Variants in JAK2 observed in about 807,000 individuals in gnomAD.
JAK2 encodes the protein tyrosine-protein kinase JAK2.
In JAK2, 86 loss-of-function variants were observed where a neutral mutation model predicts 139.3. That is an observed-to-expected ratio of 0.62 (90% CI 0.52 to 0.74). The LOEUF is 0.74. Among genes scored for constraint, JAK2 ranks in the 30% least tolerant of loss-of-function variants. JAK2 has a pLI of 0.00. For synonymous variants in JAK2, 490 were observed against 437.7 expected, an observed-to-expected ratio of 1.12 and a Z score of -1.49; for missense variants, 1,421 against 1,360.3, an observed-to-expected ratio of 1.04 and a Z score of -0.70.
intron 20 of JAK2, 152 bp from the exon 21 acceptor site, chr9:5,090,294 G>A (rs572279154): frequency 8.4e-6 from 4 of 475,638 alleles, no homozygotes; most frequent in South Asian, 8.3e-5. Flanking sequence ...AAAAGACTAT[G>A]TTCTTAACAA....
chr9:5,070,355 G>C (rs916473428), intron 12 of JAK2, among the ~76,000 whole-genome samples: 1 of 151,902 alleles, frequency 6.6e-6, no homozygotes, highest in Non-Finnish European at 1.5e-5. Flanking sequence ...AAGTTCTCAA[G>C]AAAGTAAGGG....
intron 2 of JAK2, among the ~76,000 whole-genome samples, chr9:4,991,977 T>TA (rs1157062882): frequency 6.6e-6 from 1 of 152,126 alleles, no homozygotes; most frequent in African/African-American, 2.4e-5. Context: ...ACCCAAAACT[T>TA]AGTGATTTAA....
chr9:5,029,711 C>G, intron 3 of JAK2, 72 bp from the exon 4 acceptor site: 1 of 1,348,178 alleles, frequency 7.4e-7, no homozygotes, highest in Non-Finnish European at 1.0e-6. Context: ...AGCTTCATTT[C>G]AAATTATAGG....
At chr9:5,119,532 T>C (rs1012905403) in intron 22 of JAK2, among the ~76,000 whole-genome samples, 1 of 152,262 alleles carries the variant, frequency 6.6e-6, no homozygotes, top group East Asian at 1.9e-4. Context: ...AGATGATATA[T>C]ATATCTGGCA....
chr9:5,120,575 G>C (rs1823539969), intron 22 of JAK2, among the ~76,000 whole-genome samples: 1 of 152,132 alleles, frequency 6.6e-6, no homozygotes, highest in Non-Finnish European at 1.5e-5. Flanking sequence ...TAAAAAATCG[G>C]TGAAACAGGA....
At chr9:5,100,690 T>A (rs185653618) in intron 22 of JAK2, 1 of 152,242 alleles carries the variant, frequency 6.6e-6, no homozygotes, top group African/African-American at 2.4e-5. Context: ...CACAGCCTGA[T>A]AGAAGGAAAT....
intron 2 of JAK2, among the ~76,000 whole-genome samples, chr9:4,986,858 T>C (rs1208680594): frequency 6.6e-6 from 1 of 152,208 alleles, no homozygotes; most frequent in Admixed American, 6.5e-5. Flanking sequence ...TTGTATTAAG[T>C]ACCTATGCGG....
chr9:4,985,158 C>G (rs1455146398), upstream of JAK2: 1 of 152,454 alleles, frequency 6.6e-6, no homozygotes, highest in Non-Finnish European at 1.5e-5. Context: ...GTGTCGCCCG[C>G]GGCGTTGAGA....
rs547898372 is a variant in JAK2, at chr9:5,127,988, T to C, written c.*1197T>C. The C allele has an allele frequency of 8.6e-6, 2 of 232,328 alleles. No homozygotes were observed. The highest frequency in any genetic ancestry group is 4.4e-5 in the African/African-American group (2 of 45,370). 14.4% of individuals were successfully genotyped at this position (232,328 alleles called of 1,614,324 possible). ...AAAATGAGCATACATCTTAAATCTTTTCAATTAAGTATAAGGGGTTGTTCG... is the reference window on the plus strand; with the variant it reads ...AAAATGAGCATACATCTTAAATCTTCTCAATTAAGTATAAGGGGTTGTTCG... On this transcript the variant is annotated 3_prime_UTR_variant, in exon 25 of 25. Coordinates refer to ENST00000381652, the MANE Select transcript of JAK2 (RefSeq NM_004972.4).
At chr9:5,071,641 T>C (rs767900600) in intron 12 of JAK2, among the ~76,000 whole-genome samples, 15 of 152,112 alleles carry the variant, frequency 9.9e-5, no homozygotes, top group Non-Finnish European at 2.1e-4. Flanking sequence ...AAATGGATTA[T>C]ATGAAAGAGG....
intron 16 of JAK2, among the ~76,000 whole-genome samples, chr9:5,079,021 T>C (rs1341972771): frequency 2.0e-5 from 3 of 152,232 alleles, no homozygotes; most frequent in East Asian, 1.9e-4. Flanking sequence ...ATTTCTCTAA[T>C]TGGATGTTCT....
chr9:5,087,204 TAC>T (rs1820193447), intron 19 of JAK2, among the ~76,000 whole-genome samples: 1 of 152,196 alleles, frequency 6.6e-6, no homozygotes, highest in Admixed American at 6.5e-5. Flanking sequence ...GACTGACAGT[TAC>T]CCATGGCTGG....
chr9:5,086,210 C>T (rs1820099401), intron 19 of JAK2: 3 of 589,426 alleles, frequency 5.1e-6, no homozygotes, highest in Non-Finnish European at 6.6e-6. Context: ...CCGCCACCAG[C>T]GCGAGGCCAC....
chr9:5,111,170 G>C, intron 22 of JAK2: 6 of 746,062 alleles, frequency 8.0e-6, no homozygotes, highest in South Asian at 1.4e-5. Flanking sequence ...TCGCACGGCA[G>C]CCACTCTCCA....
In JAK2 at chr9:5,054,289, C is replaced by T. The variant is rs1050302906; in HGVS notation, c.615-274C>T. On this transcript the variant is annotated intron_variant, in intron 6 of 24. Transcript: ENST00000381652. The surrounding 1 kb of genome is among the most constrained non-coding windows in gnomAD (Gnocchi z 4.9). ...TTTTTAGAGATTCTTATTAACTAGA[C>T]TGAGGATTCATTTCATTAGGGGAAG... Among the ~76,000 whole-genome samples, 21 of 151,962 alleles carry T rather than the reference C, an allele frequency of 1.4e-4. No individual in the cohort carries two copies.
At chr9:5,070,794 C>T (rs958762941) in intron 12 of JAK2, among the ~76,000 whole-genome samples, 1 of 151,980 alleles carries the variant, frequency 6.6e-6, no homozygotes, top group Non-Finnish European at 1.5e-5. Flanking sequence ...TACATAAGAT[C>T]TGATAATCTG....
chr9:5,103,691 A>G (rs1322504327), intron 22 of JAK2, among the ~76,000 whole-genome samples: 1 of 152,206 alleles, frequency 6.6e-6, no homozygotes, highest in Admixed American at 6.5e-5. Flanking sequence ...ACCAAACGTA[A>G]AAGAACAGAT....
At chr9:5,008,021 G>A (rs1420596320) in intron 2 of JAK2, among the ~76,000 whole-genome samples, 4 of 152,062 alleles carry the variant, frequency 2.6e-5, no homozygotes, top group Non-Finnish European at 4.4e-5. Context: ...GAGCCACCGC[G>A]CCTGGCCCTA....
Position 5,126,319 on chromosome 9 carries a change from T to C in JAK2, c.3178-14T>C. 3.9e-6 allele frequency: 6 copies of C among 1,536,224 alleles called. No homozygotes were observed. The highest frequency in any genetic ancestry group is 5.3e-6 in the Non-Finnish European group (6 of 1,122,914). On this transcript the variant is annotated splice_polypyrimidine_tract_variant and intron_variant, in intron 23 of 24. Coordinates refer to ENST00000381652, the MANE Select transcript of JAK2 (RefSeq NM_004972.4). ...TTAAATGTACAAAAAATATTGAAAG[T>C]GGGTTTGTTTTAGGAATTTATGCGT...
Sources: allele counts gnomAD v4.1 joint callset (sites outside exome capture counted in the v4.1 genomes callset), GRCh38; gene constraint gnomAD v4.1.1; non-coding constraint Gnocchi (gnomAD v3.1); transcripts MANE v1.5; gene names NCBI Gene and HGNC (gene_info 2026-07-23, HGNC 2026-07-21).